The following SLC26A11 variants were observed in gnomAD, a reference collection of about 807,000 sequenced individuals.
SLC26A11 encodes the protein sodium-independent sulfate anion transporter.
A neutral mutation model predicts 62.2 loss-of-function variants in SLC26A11; 58 were observed. The observed-to-expected ratio is 0.93, with a 90% CI of 0.76 to 1.16. SLC26A11 has a LOEUF of 1.16. Among genes scored for constraint, SLC26A11 ranks in the 50% most tolerant of loss-of-function variants. The pLI is 0.00. For missense variants in SLC26A11, 790 were observed against 794.3 expected (o/e 0.99, Z 0.06); for synonymous variants, 411 against 368.9 (o/e 1.11, Z -1.31).
In SLC26A11 at chr17:80,252,520, C is replaced by A; in HGVS notation, c.1730-105C>A. 2 of 1,025,312 alleles carry A rather than the reference C, an allele frequency of 2.0e-6. No homozygotes were observed. Among genetic ancestry groups the A allele is most frequent in the South Asian group, 1.5e-5 (1 of 65,516 alleles). 63.5% of individuals were successfully genotyped at this position (1,025,312 alleles called of 1,614,324 possible). On this transcript the variant is annotated intron_variant, in intron 17 of 17. Coordinates refer to ENST00000361193, the MANE Select transcript of SLC26A11 (RefSeq NM_001166347.2). The surrounding 1 kb of genome is among the most constrained non-coding windows in gnomAD (Gnocchi z 5.2). ...GGGTGGCCCACAGCTCCTTCCTGCA[C>A]ACCTTCCAGGACTCTGGAAGGCCCT... is the stretch of plus-strand genomic sequence containing the variant.
In SLC26A11 at chr17:80,238,811, GTTTTTTTTGTTTTTTGTT is replaced by G. The variant is rs1045030989; in HGVS notation, c.985+1226_985+1243del. Reference sequence around the variant, plus strand: ...TCTAACCCTTACCCCCTTCAAAGGAGTTTTTTTTGTTTTTTGTTTTTTTTTTTTTTTGGAGACAGAGTC... The same window carrying G: ...TCTAACCCTTACCCCCTTCAAAGGAGTTTTTTTTTTTTTGGAGACAGAGTC... On this transcript the variant is annotated intron_variant, in intron 9 of 17. Transcript: ENST00000361193. Among the ~76,000 whole-genome samples the G allele has an allele frequency of 4.1e-5, 5 of 123,264 alleles. 2 individuals carry two copies. The highest frequency in any genetic ancestry group is 1.7e-4 in the African/African-American group (5 of 29,232). 80.9% of individuals were successfully genotyped at this position (123,264 alleles called of 152,430 possible). A position where few individuals can be genotyped will look rare whatever the true frequency, so the allele number is the denominator to read the frequency against.
Position 80,245,270 on chromosome 17 carries a change from C to A in SLC26A11, c.1097+14C>A. The A allele has an allele frequency of 6.2e-7, 1 of 1,613,604 alleles. No homozygotes were observed. Among genetic ancestry groups the A allele is most frequent in the Non-Finnish European group, 8.5e-7 (1 of 1,179,640 alleles). The stretch of plus-strand genomic sequence containing the variant: ...CAGCTTTGGACGGTGAGTGACCTGT[C>A]CGCCTCTTCTGTTTGCCCACGTTGG... On this transcript the variant is annotated intron_variant, in intron 11 of 17. Transcript: ENST00000361193.
rs1276063968 is a variant in SLC26A11, at chr17:80,238,811, G to GTT, written c.985+1224_985+1225dup. Among the ~76,000 whole-genome samples, 419 of 123,196 alleles carry GTT rather than the reference G, an allele frequency of 3.4e-3. 29 individuals carry two copies. Among genetic ancestry groups the GTT allele is most frequent in the African/African-American group, 8.6e-3 (252 of 29,204 alleles). The allele number at this position is 123,196 out of a possible 152,430, so 80.8% of individuals were successfully genotyped here. On this transcript the variant is annotated intron_variant, in intron 9 of 17. Coordinates refer to ENST00000361193, the MANE Select transcript of SLC26A11 (RefSeq NM_001166347.2). The stretch of plus-strand genomic sequence containing the variant: ...TCTAACCCTTACCCCCTTCAAAGGA[G>GTT]TTTTTTTTGTTTTTTGTTTTTTTTT...
chr17:80,249,140 G>C lies in SLC26A11; in HGVS notation c.1523-14G>C. ...CTCTGGGTGGCGTGACCTGGCTCGG[G>C]CCTGTCTCCCCAGTGTCCCCGCCAC... On this transcript the variant is annotated splice_polypyrimidine_tract_variant and intron_variant, in intron 15 of 17. Transcript: ENST00000361193. The C allele has an allele frequency of 6.2e-7, 1 of 1,601,870 alleles. No homozygotes were observed. The highest frequency in any genetic ancestry group is 2.2e-5 in the East Asian group (1 of 44,714).
chr17:80,248,939 C>T (rs935049971), intron 15 of SLC26A11, among the ~76,000 whole-genome samples: 3 of 152,130 alleles, frequency 2.0e-5, no homozygotes, highest in Non-Finnish European at 4.4e-5. Context: ...GAGCTAAGGG[C>T]CTGTGAGTCC....
At chr17:80,251,305 G>C in intron 16 of SLC26A11, 24 bp from the exon 17 acceptor site, 1 of 1,613,976 alleles carries the variant, frequency 6.2e-7, no homozygotes, top group Non-Finnish European at 8.5e-7. Context: ...TCCCTGCCCT[G>C]GCTAAAGTCT....
At position 80,222,374 on chromosome 17, in the gene SLC26A11, T is replaced by TG. The variant is rs1444411532; in HGVS notation, c.235-281_235-280insG. 4.1e-6 allele frequency: 1 copy of TG among 245,002 alleles called. No homozygotes were observed. The highest frequency in any genetic ancestry group is 6.7e-6 in the Non-Finnish European group (1 of 149,520). 15.2% of individuals were successfully genotyped at this position (245,002 alleles called of 1,614,324 possible). On this transcript the variant is annotated intron_variant, in intron 3 of 17. Transcript: ENST00000361193. The surrounding 1 kb of genome is among the most constrained non-coding windows in gnomAD (Gnocchi z 4.7). Reference sequence around the variant, plus strand: ...CTGGGCGACAGAGCGAGACTCCATCTCAAAAAAAAAAAAAAAGAATGCTTC... The same window carrying TG: ...CTGGGCGACAGAGCGAGACTCCATCTGCAAAAAAAAAAAAAAAGAATGCTTC...
rs1188746800 is a variant in SLC26A11 at position 80,223,186 on chromosome 17, T to A, written c.428-66T>A. The A allele has an allele frequency of 1.0e-5, 15 of 1,454,204 alleles. No homozygotes were observed. The Admixed American group carries it at 2.6e-4, about 25-fold the overall frequency. 90.1% of individuals were successfully genotyped at this position (1,454,204 alleles called of 1,614,324 possible). Reference sequence around the variant, plus strand: ...CCATTGCCACCTTCCCCAGCTCACATCTCCCCTCATCCTCTGGGACTGGGT... The same window carrying A: ...CCATTGCCACCTTCCCCAGCTCACAACTCCCCTCATCCTCTGGGACTGGGT... On this transcript the variant is annotated intron_variant, in intron 4 of 17. Coordinates refer to ENST00000361193, the MANE Select transcript of SLC26A11 (RefSeq NM_001166347.2). The surrounding 1 kb of genome is among the most constrained non-coding windows in gnomAD (Gnocchi z 4.6).
chr17:80,230,728 A>G (rs1238185265), intron 7 of SLC26A11, among the ~76,000 whole-genome samples: 1 of 152,188 alleles, frequency 6.6e-6, no homozygotes, highest in Non-Finnish European at 1.5e-5. Context: ...ATCGTAATGT[A>G]CAGAAACTTC....
At chr17:80,225,801 G>C in intron 5 of SLC26A11, 36 bp from the exon 6 acceptor site, 1 of 1,592,970 alleles carries the variant, frequency 6.3e-7, no homozygotes, top group African/African-American at 1.3e-5. Context: ...TGGTTTGGGA[G>C]CATAGCCTCT....
intron 5 of SLC26A11, 173 bp from the exon 6 acceptor site, chr17:80,225,664 G>A (rs562343502): frequency 3.5e-5 from 22 of 623,760 alleles, no homozygotes; most frequent in Admixed American, 5.7e-5. Context: ...CCTAGGGGGC[G>A]TTGGGAGTGG....
At chr17:80,245,939 C>T (rs1216729364) in intron 11 of SLC26A11, among the ~76,000 whole-genome samples, 1 of 152,216 alleles carries the variant, frequency 6.6e-6, no homozygotes, top group Non-Finnish European at 1.5e-5. Context: ...AGGACACGTG[C>T]TTCCTGAGCT....
chr17:80,235,016 A>AT (rs2042655664), intron 7 of SLC26A11, among the ~76,000 whole-genome samples: 1 of 151,780 alleles, frequency 6.6e-6, no homozygotes, highest in Admixed American at 6.6e-5. Context: ...TGCCCAGCTA[A>AT]TTTTTGTATT....
At chr17:80,238,993 T>C (rs1399271721) in intron 9 of SLC26A11, among the ~76,000 whole-genome samples, 1 of 151,604 alleles carries the variant, frequency 6.6e-6, no homozygotes, top group African/African-American at 2.4e-5. Flanking sequence ...GCCCAACTAA[T>C]ATTCTATACT....
chr17:80,222,444 C>T lies in SLC26A11; in HGVS notation c.235-211C>T. 1 of 584,630 alleles carries T rather than the reference C, an allele frequency of 1.7e-6. No homozygotes were observed. Among genetic ancestry groups the T allele is most frequent in the Non-Finnish European group, 3.0e-6 (1 of 328,536 alleles). 36.2% of individuals were successfully genotyped at this position (584,630 alleles called of 1,614,324 possible). On this transcript the variant is annotated intron_variant, in intron 3 of 17. Transcript: ENST00000361193. This position sits in a 1 kb window ranked among gnomAD's most constrained non-coding sequence, Gnocchi z 4.7. Reference sequence around the variant, plus strand: ...CACGGGCCTGCACCGACCCCTCTGCCTGGCTGTCTGCACCCTGAGGCCCCA... The same window carrying T: ...CACGGGCCTGCACCGACCCCTCTGCTTGGCTGTCTGCACCCTGAGGCCCCA...
intron 6 of SLC26A11, among the ~76,000 whole-genome samples, chr17:80,227,138 T>C (rs1262175185): frequency 6.6e-6 from 1 of 152,240 alleles, no homozygotes; most frequent in Admixed American, 6.5e-5. Context: ...TTGTCTTCCC[T>C]GGGCCACACA....
chr17:80,236,914 T>C lies in SLC26A11; in HGVS notation c.737-14T>C. The C allele has an allele frequency of 6.2e-7, 1 of 1,601,438 alleles. No individual in the cohort carries two copies. Among genetic ancestry groups the C allele is most frequent in the Non-Finnish European group, 8.6e-7 (1 of 1,169,586 alleles). Reference sequence around the variant, plus strand: ...GGGAGCAGGGTCTCGGACGCACCTCTCCTTCTCTCCTAGCTCGCAACGCCC... The same window carrying C: ...GGGAGCAGGGTCTCGGACGCACCTCCCCTTCTCTCCTAGCTCGCAACGCCC... On this transcript the variant is annotated splice_polypyrimidine_tract_variant and intron_variant, in intron 7 of 17. Coordinates refer to ENST00000361193, the MANE Select transcript of SLC26A11 (RefSeq NM_001166347.2).
rs752456721 is a variant in SLC26A11, at chr17:80,221,539, A to T, written c.-13-9A>T. On this transcript the variant is annotated splice_polypyrimidine_tract_variant and intron_variant, in intron 2 of 17. Transcript: ENST00000361193. The stretch of plus-strand genomic sequence containing the variant: ...CTGACTGCTGGTCTGTGTCACCTGC[A>T]CCCCCCAGCCCCACCGTAGAGATGC... 2.3e-5 allele frequency: 35 copies of T among 1,535,150 alleles called. No homozygotes were observed. The highest frequency in any genetic ancestry group is 2.9e-5 in the Non-Finnish European group (33 of 1,142,902).
At chr17:80,238,707 TACTGTG>T (rs2042765800) in intron 9 of SLC26A11, among the ~76,000 whole-genome samples, 1 of 152,208 alleles carries the variant, frequency 6.6e-6, no homozygotes, top group Admixed American at 6.5e-5. Flanking sequence ...CAGTGTATGT[TACTGTG>T]ACTGTGTAAA....
Sources: gnomAD v4.1 joint callset for allele counts (sites outside exome capture counted in the v4.1 genomes callset) on GRCh38, gnomAD v4.1.1 for gene constraint, Gnocchi (gnomAD v3.1) non-coding constraint, MANE v1.5 for transcripts, NCBI Gene and HGNC (gene_info 2026-07-23, HGNC 2026-07-21) for gene names.